Variants in KCNB2 observed in about 807,000 individuals in gnomAD.
The protein encoded by KCNB2 is potassium voltage-gated channel subfamily B member 2, also known as delayed rectifier potassium channel protein.
A neutral mutation model predicts 61.5 loss-of-function variants in KCNB2; 15 were observed. That is an observed-to-expected ratio of 0.24 (90% CI 0.16 to 0.38). KCNB2 has a LOEUF of 0.38. KCNB2 is among the 10% of genes least tolerant of loss of function. KCNB2 has a pLI of 1.00. For missense variants in KCNB2, 828 were observed against 1,125.2 expected, an observed-to-expected ratio of 0.74 and a Z score of 3.78; for synonymous variants, 457 against 446.0, an observed-to-expected ratio of 1.02 and a Z score of -0.31.
In KCNB2 at chr8:72,556,412, A is replaced by G. The variant is rs1806427130; in HGVS notation, c.-93-11230A>G. 3.3e-5 allele frequency among the ~76,000 whole-genome samples: 5 copies of G among 152,096 alleles called. No homozygotes were observed. The South Asian group carries it at 1.0e-3, about 32-fold the overall frequency. ...GGCAGGGGAGAGGGAAAGAATATTT[A>G]TAAAGTGCCATACACAGATGGATGG... On this transcript the variant is annotated intron_variant, in intron 1 of 2. Coordinates refer to ENST00000523207, the MANE Select transcript of KCNB2 (RefSeq NM_004770.3).
chr8:72,643,572 G>A (rs754578794), intron 2 of KCNB2, among the ~76,000 whole-genome samples: 1 of 152,108 alleles, frequency 6.6e-6, no homozygotes, highest in African/African-American at 2.4e-5. Context: ...GTGTTGGCTT[G>A]CCTTTTGATG....
intron 2 of KCNB2, among the ~76,000 whole-genome samples, chr8:72,704,284 A>G (rs1303397586): frequency 6.6e-6 from 1 of 152,208 alleles, no homozygotes; most frequent in Non-Finnish European, 1.5e-5. Context: ...TCTCTATAGA[A>G]CATTTTAGCA....
intron 2 of KCNB2, among the ~76,000 whole-genome samples, chr8:72,782,392 A>T (rs1260964952): frequency 6.6e-6 from 1 of 152,066 alleles, no homozygotes; most frequent in Non-Finnish European, 1.5e-5. Context: ...CCCCTTCGCC[A>T]CCACGACTCT....
chr8:72,696,587 T>C (rs1471307311), intron 2 of KCNB2, among the ~76,000 whole-genome samples: 2 of 152,048 alleles, frequency 1.3e-5, no homozygotes, highest in Non-Finnish European at 2.9e-5. Flanking sequence ...AGGATTTGGA[T>C]GGGAAAGGTA....
intron 2 of KCNB2, chr8:72,661,244 G>C (rs1228371043): frequency 6.6e-6 from 1 of 152,212 alleles, no homozygotes; most frequent in Non-Finnish European, 1.5e-5. Flanking sequence ...TTGAACTCCT[G>C]ACCTCAGATG....
At chr8:72,615,916 G>GTT (rs1285002231) in intron 2 of KCNB2, among the ~76,000 whole-genome samples, 1 of 152,138 alleles carries the variant, frequency 6.6e-6, no homozygotes, top group Admixed American at 6.6e-5. Context: ...AGTTTTGTAA[G>GTT]TTAGTGAACA....
At position 72,936,057 on chromosome 8, in the gene KCNB2, A is replaced by T; in HGVS notation, c.702A>T (p.Ala234=). ...FGQLNDNRQL[A]HVEAVCIAWF... Reference sequence around the variant, plus strand: ...AACTCAATGACAACCGCCAATTAGCACACGTGGAGGCTGTGTGTATTGCAT... The same window carrying T: ...AACTCAATGACAACCGCCAATTAGCTCACGTGGAGGCTGTGTGTATTGCAT... Residue 234 remains alanine, a synonymous_variant, in exon 3 of 3, where the codon GCA becomes GCT. Transcript: ENST00000523207. The surrounding 1 kb of genome is among the most constrained non-coding windows in gnomAD (Gnocchi z 5.6). 1 of 1,614,206 alleles carries T rather than the reference A, an allele frequency of 6.2e-7. No individual in the cohort carries two copies. The highest frequency in any genetic ancestry group is 1.1e-5 in the South Asian group (1 of 91,084).
chr8:72,587,285 A>G (rs1585768367), intron 2 of KCNB2, among the ~76,000 whole-genome samples: 2 of 152,110 alleles, frequency 1.3e-5, no homozygotes, highest in Non-Finnish European at 1.5e-5. Context: ...CTTCTTGAAG[A>G]CAGGGAGTAT....
chr8:72,697,295 T>C (rs1418159793), intron 2 of KCNB2, among the ~76,000 whole-genome samples: 3 of 152,174 alleles, frequency 2.0e-5, no homozygotes, highest in East Asian at 3.8e-4. Context: ...CTCAGATTCA[T>C]AGTAAGCACT....
At chr8:72,806,355 G>GAAA (rs113106261) in intron 2 of KCNB2, among the ~76,000 whole-genome samples, 9 of 97,408 alleles carry the variant, frequency 9.2e-5, no homozygotes, top group Non-Finnish European at 1.8e-4. Context: ...GAGACTCTAA[G>GAAA]AAAAAAAAAA....
At chr8:72,891,062 G>A (rs116064825) in intron 2 of KCNB2, among the ~76,000 whole-genome samples, 1,808 of 152,280 alleles carry the variant, frequency 0.012, 27 homozygotes, top group African/African-American at 0.04. Flanking sequence ...TTCAACAGCG[G>A]TAGTGGCCAA....
chr8:72,898,503 G>A (rs1403561269), intron 2 of KCNB2, among the ~76,000 whole-genome samples: 1 of 151,914 alleles, frequency 6.6e-6, no homozygotes, highest in Admixed American at 6.6e-5. Flanking sequence ...ATAGTCCCTG[G>A]ACTGCATTAG....
chr8:72,555,517 G>A (rs1806410559), intron 1 of KCNB2, among the ~76,000 whole-genome samples: 2 of 151,018 alleles, frequency 1.3e-5, no homozygotes, highest in South Asian at 4.2e-4. Context: ...TTATAATCCT[G>A]ACTACATGCA....
chr8:72,764,371 G>A (rs1808430874), intron 2 of KCNB2, among the ~76,000 whole-genome samples: 1 of 152,146 alleles, frequency 6.6e-6, no homozygotes, highest in Non-Finnish European at 1.5e-5. Flanking sequence ...AGATGTAAGG[G>A]AACTGTATTC....
intron 2 of KCNB2, among the ~76,000 whole-genome samples, chr8:72,688,775 A>G (rs1437595235): frequency 6.6e-6 from 1 of 152,120 alleles, no homozygotes; most frequent in African/African-American, 2.4e-5. Flanking sequence ...TACCCAGGCT[A>G]TAGTGTAGAG....
intron 2 of KCNB2, among the ~76,000 whole-genome samples, chr8:72,631,885 T>A (rs181787829): frequency 9.2e-5 from 14 of 152,248 alleles, no homozygotes; most frequent in African/African-American, 3.4e-4. Flanking sequence ...CTCAGTCAAC[T>A]CAGCCCACTG....
chr8:72,736,270 T>TA (rs538881453), intron 2 of KCNB2, among the ~76,000 whole-genome samples: 30 of 148,346 alleles, frequency 2.0e-4, no homozygotes, highest in Middle Eastern at 3.4e-3. Context: ...CTCTATCATT[T>TA]AAAAAAAAAA....
intron 2 of KCNB2, among the ~76,000 whole-genome samples, chr8:72,886,606 G>C (rs1026416149): frequency 1.3e-5 from 2 of 152,168 alleles, no homozygotes; most frequent in Non-Finnish European, 2.9e-5. Context: ...ATGTTCCTTG[G>C]GGAAGAGAAC....
At chr8:72,935,745 A>G (rs976239655) in intron 2 of KCNB2, among the ~76,000 whole-genome samples, 190 bp from the exon 3 acceptor site, 13 of 152,252 alleles carry the variant, frequency 8.5e-5, no homozygotes, top group African/African-American at 3.1e-4. Flanking sequence ...TGGAATTTAA[A>G]TATACATTAG....
Sources: gnomAD v4.1 joint callset for allele counts (sites outside exome capture counted in the v4.1 genomes callset) on GRCh38, gnomAD v4.1.1 for gene constraint, Gnocchi (gnomAD v3.1) non-coding constraint, MANE v1.5 for transcripts, NCBI Gene and HGNC (gene_info 2026-07-23, HGNC 2026-07-21) for gene names.